CAPRIN1: variants seen among roughly 807,000 people sequenced by gnomAD.
The protein encoded by CAPRIN1 is caprin-1.
In CAPRIN1, 29 loss-of-function variants were observed where a neutral mutation model predicts 100.9. The observed-to-expected ratio is 0.29, with a 90% CI of 0.21 to 0.39. The LOEUF is 0.39. Ranked by LOEUF, CAPRIN1 falls within the 10% of genes least tolerant of loss-of-function variation. The probability of loss-of-function intolerance (pLI) is 1.00; values close to 1 mark genes in which losing one functional copy is unlikely to be tolerated. For missense variants in CAPRIN1, 795 were observed against 876.7 expected, an observed-to-expected ratio of 0.91 and a Z score of 1.18; for synonymous variants, 338 against 307.5, an observed-to-expected ratio of 1.10 and a Z score of -1.04.
chr11:34,052,097 A>G (rs1476676247), intron 1 of CAPRIN1: 3 of 150,108 alleles, frequency 2.0e-5, no homozygotes, highest in Non-Finnish European at 4.5e-5. Context: ...GGACCGTTGC[A>G]GTGGCCGTTG....
intron 7 of CAPRIN1, 115 bp from the exon 8 acceptor site, chr11:34,082,710 A>G: frequency 2.8e-6 from 2 of 725,338 alleles, no homozygotes; most frequent in Non-Finnish European, 4.8e-6. Flanking sequence ...ATTGTTAATA[A>G]TTCTCTGGGT....
At chr11:34,089,352 A>G in intron 11 of CAPRIN1, 43 bp from the exon 12 acceptor site, 1 of 1,257,600 alleles carries the variant, frequency 8.0e-7, no homozygotes, top group African/African-American at 1.6e-5. Context: ...TCTCTCTAAA[A>G]ATTTAATTTT....
At chr11:34,075,264 TG>T (rs1418686847) in intron 4 of CAPRIN1, among the ~76,000 whole-genome samples, 1 of 152,162 alleles carries the variant, frequency 6.6e-6, no homozygotes, top group African/African-American at 2.4e-5. Flanking sequence ...AGGTTTCATA[TG>T]TCCCTATTTT....
At chr11:34,085,011 G>C (rs1050853566) in intron 9 of CAPRIN1, among the ~76,000 whole-genome samples, 2 of 152,174 alleles carry the variant, frequency 1.3e-5, no homozygotes, top group Admixed American at 6.5e-5. Flanking sequence ...GGAGCATCCT[G>C]AAGTTGGTAT....
rs760422344 is a variant in CAPRIN1, at chr11:34,083,034, C to T, written c.959C>T (p.Thr320Met). 16 of 1,611,472 alleles carry T rather than the reference C, an allele frequency of 9.9e-6. No individual in the cohort carries two copies. Among genetic ancestry groups the T allele is most frequent in the Non-Finnish European group, 1.3e-5 (15 of 1,177,778 alleles). The change falls in exon 9 of 19, where the codon ACG becomes ATG. Residue 320 changes from threonine to methionine, a missense_variant. Thr to Met is a moderately conservative substitution (Grantham distance 81). Around this residue, in one of 3 missense-constraint regions of CAPRIN1, gnomAD observed 648 missense variants for 697.9 expected, o/e 0.93. Transcript: ENST00000341394. ...CAGGTAGATGAGTGGACAGTTGAAA[C>T]GGTTGAGGTAAGAGTTCTCTGTATT... ...KEQVDEWTVE[T>M]VEVVNSLQQQ...
intron 2 of CAPRIN1, chr11:34,053,005 C>G (rs1465946842): frequency 9.5e-7 from 1 of 1,048,858 alleles, no homozygotes; most frequent in East Asian, 1.0e-4. Flanking sequence ...ATTTCTCTGA[C>G]GAGGGCCCAA....
rs943870282 is a variant in CAPRIN1 at position 34,101,799 on chromosome 11, C to CT, written c.*2436dup. ...ATTGCTTGTCCTAGCTGCAGAAGGCCTTTTGTTTGGTCAAATGCATATTTT... is the reference window on the plus strand; with the variant it reads ...ATTGCTTGTCCTAGCTGCAGAAGGCCTTTTTGTTTGGTCAAATGCATATTTT... On this transcript the variant is annotated 3_prime_UTR_variant, in exon 19 of 19. Coordinates refer to ENST00000341394, the MANE Select transcript of CAPRIN1 (RefSeq NM_005898.5). Among the ~76,000 whole-genome samples, 34 of 152,068 alleles carry CT rather than the reference C, an allele frequency of 2.2e-4. No homozygotes were observed. The highest frequency in any genetic ancestry group is 7.5e-4 in the African/African-American group (31 of 41,488).
At chr11:34,052,915 T>A (rs1352334252) in intron 2 of CAPRIN1, 2 of 1,294,902 alleles carry the variant, frequency 1.5e-6, no homozygotes, top group Non-Finnish European at 2.0e-6. Context: ...TTTTGGCCTT[T>A]AGGAGTGGGA....
At position 34,089,466 on chromosome 11, in the gene CAPRIN1, A is replaced by G. The variant is rs756187342; in HGVS notation, c.1293+10A>G. 2 of 1,562,648 alleles carry G rather than the reference A, an allele frequency of 1.3e-6. No homozygotes were observed. Among genetic ancestry groups the G allele is most frequent in the South Asian group, 2.2e-5 (2 of 89,568 alleles). ...ACCAGAAGCGACACAGGTAAGAGTG[A>G]TAAAACTATTTTCTTCAGGGCCAGG... is the stretch of plus-strand genomic sequence containing the variant. On this transcript the variant is annotated intron_variant, in intron 12 of 18. Transcript: ENST00000341394.
intron 4 of CAPRIN1, among the ~76,000 whole-genome samples, chr11:34,074,274 T>A (rs1383786752): frequency 6.6e-6 from 1 of 152,130 alleles, no homozygotes; most frequent in Non-Finnish European, 1.5e-5. Context: ...CACTGTGTAA[T>A]GAAAATACCT....
At chr11:34,070,031 G>GT (rs1850778809) in intron 2 of CAPRIN1, among the ~76,000 whole-genome samples, 2 of 151,942 alleles carry the variant, frequency 1.3e-5, no homozygotes, top group Admixed American at 1.3e-4. Flanking sequence ...TTTATTATTG[G>GT]TAAGGGGGTA....
chr11:34,085,134 GA>G (rs1851112785), intron 9 of CAPRIN1, among the ~76,000 whole-genome samples: 1 of 152,110 alleles, frequency 6.6e-6, no homozygotes, highest in African/African-American at 2.4e-5. Flanking sequence ...TTTAAATCCA[GA>G]CAGAATAATA....
intron 15 of CAPRIN1, among the ~76,000 whole-genome samples, chr11:34,092,383 G>T (rs1851280439): frequency 6.7e-6 from 1 of 149,762 alleles, no homozygotes; most frequent in Admixed American, 6.6e-5. Context: ...TTGAGATGGG[G>T]TCTCACTCTG....
chr11:34,089,712 C>A (rs926797579), intron 12 of CAPRIN1, among the ~76,000 whole-genome samples: 1 of 152,162 alleles, frequency 6.6e-6, no homozygotes. Flanking sequence ...TCCAAGTCTT[C>A]TGTTGGAATT....
At chr11:34,086,490 A>G (rs766327970) in intron 11 of CAPRIN1, 77 bp downstream of exon 11, 13 of 852,136 alleles carry the variant, frequency 1.5e-5, no homozygotes, top group Non-Finnish European at 2.2e-5. Flanking sequence ...TTGTGAAAAT[A>G]AATTTTGTTT....
intron 11 of CAPRIN1, among the ~76,000 whole-genome samples, chr11:34,086,712 G>GTA (rs1415938570): frequency 6.6e-6 from 1 of 152,152 alleles, no homozygotes; most frequent in Non-Finnish European, 1.5e-5. Context: ...AACATTACCA[G>GTA]TACCCCAGAA....
At chr11:34,085,018 G>T (rs1480670141) in intron 9 of CAPRIN1, among the ~76,000 whole-genome samples, 1 of 151,980 alleles carries the variant, frequency 6.6e-6, no homozygotes, top group Admixed American at 6.6e-5. Context: ...CCTGAAGTTG[G>T]TATTACACAG....
At chr11:34,067,280 G>A (rs1392852564) in intron 2 of CAPRIN1, among the ~76,000 whole-genome samples, 1 of 151,982 alleles carries the variant, frequency 6.6e-6, no homozygotes, top group African/African-American at 2.4e-5. Context: ...CAGTTCGCTG[G>A]GTATAAGGAA....
In CAPRIN1 at chr11:34,053,054, C is replaced by G. The variant is rs549142438; in HGVS notation, c.216+418C>G. 1.4e-4 allele frequency: 142 copies of G among 1,030,860 alleles called. 1 individual carries two copies. In the African/African-American group the frequency reaches 2.4e-3, roughly 17 times the overall value. The allele number at this position is 1,030,860 out of a possible 1,614,324, so 63.9% of individuals were successfully genotyped here. On this transcript the variant is annotated intron_variant, in intron 2 of 18. Transcript: ENST00000341394. ...CTGCGCGGGGGGCTCCGGGTTCAAC[C>G]GACCGCCTCGTGGAGTTGGGGCGGC...
Sources: gnomAD v4.1 joint callset for allele counts (sites outside exome capture counted in the v4.1 genomes callset) on GRCh38, gnomAD v4.1.1 for gene constraint, gnomAD v4.1.1 regional missense constraint, MANE v1.5 for transcripts, NCBI Gene and HGNC (gene_info 2026-07-23, HGNC 2026-07-21) for gene names.